SVIL: variants seen among roughly 807,000 people sequenced by gnomAD.
SVIL encodes the protein supervillin.
SVIL carries 101 observed loss-of-function variants against 240.4 expected under a neutral mutation model. That is an observed-to-expected ratio of 0.42 (90% CI 0.36 to 0.50). The LOEUF (loss-of-function observed/expected upper bound fraction) is 0.50, where lower values mean the gene tolerates loss of function less well. Among genes scored for constraint, SVIL ranks in the 20% least tolerant of loss-of-function variants. The probability of loss-of-function intolerance (pLI) is 0.01; values close to 1 mark genes in which losing one functional copy is unlikely to be tolerated. For synonymous variants in SVIL, 999 were observed against 1,100.0 expected, an observed-to-expected ratio of 0.91 and a Z score of 1.82; for missense variants, 2,512 against 2,818.7, an observed-to-expected ratio of 0.89 and a Z score of 2.46.
chr10:29,513,379 G>C (rs1949992355), intron 16 of SVIL, among the ~76,000 whole-genome samples: 1 of 152,154 alleles, frequency 6.6e-6, no homozygotes, highest in South Asian at 2.1e-4. Context: ...GACCAGCCTG[G>C]CCAATACGGT....
intron 27 of SVIL, chr10:29,483,612 A>G (rs1042296376): frequency 5.9e-5 from 9 of 152,212 alleles, no homozygotes; most frequent in African/African-American, 2.2e-4. Context: ...ACAGTTGGCT[A>G]TCACATAGAT....
intron 1 of SVIL, among the ~76,000 whole-genome samples, chr10:29,701,594 A>G (rs1962518713): frequency 6.6e-6 from 1 of 152,182 alleles, no homozygotes; most frequent in South Asian, 2.1e-4. Context: ...TAGGGAAATA[A>G]AAAAAATTGT....
chr10:29,530,009 AC>A (rs1951244429), intron 11 of SVIL, among the ~76,000 whole-genome samples, 165 bp from the exon 12 acceptor site: 1 of 152,084 alleles, frequency 6.6e-6, no homozygotes, highest in African/African-American at 2.4e-5. Flanking sequence ...CCTCATCTCT[AC>A]AAAAAATGCA....
In SVIL at chr10:29,577,757, A is replaced by G. The variant is rs192077778; in HGVS notation, c.-200-8445T>C. On this transcript the variant is annotated intron_variant, in intron 1 of 37. Transcript: ENST00000355867. ...TACTTTTGGTTCCTTAAGGAATGCC[A>G]ATAACATTTCTTTACACCAACAACA... 2.2e-4 allele frequency among the ~76,000 whole-genome samples: 33 copies of G among 152,330 alleles called. No homozygotes were observed. In the East Asian group the frequency reaches 4.4e-3, roughly 20 times the overall value.
chr10:29,494,134 CT>C (rs1194097895), intron 20 of SVIL, among the ~76,000 whole-genome samples: 1 of 152,078 alleles, frequency 6.6e-6, no homozygotes, highest in Non-Finnish European at 1.5e-5. Flanking sequence ...CACCACTGCA[CT>C]TTAGCCTGGG....
chr10:29,530,342 C>T (rs1034442829), intron 11 of SVIL, among the ~76,000 whole-genome samples: 1 of 152,084 alleles, frequency 6.6e-6, no homozygotes, highest in East Asian at 1.9e-4. Context: ...CCACAACCAG[C>T]CAAAGATTAG....
intron 1 of SVIL, among the ~76,000 whole-genome samples, chr10:29,572,542 A>T (rs1955474564): frequency 6.6e-6 from 1 of 152,178 alleles, no homozygotes; most frequent in African/African-American, 2.4e-5. Flanking sequence ...AGGCAGGAGG[A>T]TCACTTGAGG....
In SVIL at chr10:29,629,704, G is replaced by A. The variant is rs543670354; in HGVS notation, c.-201+4716C>T. On this transcript the variant is annotated intron_variant, in intron 1 of 37. Transcript: ENST00000355867. ...CTACTGTAAAAATTAGAGTCCGGGCGTGGTGGCTCACACCTGTAATCCCAG... is the reference window on the plus strand; with the variant it reads ...CTACTGTAAAAATTAGAGTCCGGGCATGGTGGCTCACACCTGTAATCCCAG... Among the ~76,000 whole-genome samples the A allele has an allele frequency of 8.7e-5, 13 of 149,240 alleles. 1 individual carries two copies. The highest frequency in any genetic ancestry group is 1.6e-4 in the Non-Finnish European group (11 of 66,808).
At chr10:29,639,667 A>T (rs1958423410), upstream of SVIL, among the ~76,000 whole-genome samples, 1 of 151,874 alleles carries the variant, frequency 6.6e-6, no homozygotes, top group Non-Finnish European at 1.5e-5. Flanking sequence ...GGGTTTCACC[A>T]TGTTGGCCAA....
At chr10:29,642,634 G>A (rs1389584056) in intron 3 of SVIL, among the ~76,000 whole-genome samples, 1 of 152,120 alleles carries the variant, frequency 6.6e-6, no homozygotes, top group Non-Finnish European at 1.5e-5. Flanking sequence ...TTTAATAAAT[G>A]TTTGTGATGT....
intron 1 of SVIL, among the ~76,000 whole-genome samples, chr10:29,604,241 C>T (rs1043965466): frequency 6.6e-6 from 1 of 150,724 alleles, no homozygotes; most frequent in African/African-American, 2.4e-5. Context: ...GCTCTGTCAC[C>T]CAGGCTGGAG....
chr10:29,644,123 A>T (rs1312537582), intron 3 of SVIL: 1 of 435,514 alleles, frequency 2.3e-6, no homozygotes, highest in East Asian at 6.9e-5. Context: ...CTGCACGAAC[A>T]GAACCATGGA....
chr10:29,496,780 G>C (rs1247066692), intron 18 of SVIL, among the ~76,000 whole-genome samples: 2 of 152,210 alleles, frequency 1.3e-5, no homozygotes, highest in East Asian at 1.9e-4. Flanking sequence ...TGTGGACAAG[G>C]GCAGTGGCAT....
intron 1 of SVIL, among the ~76,000 whole-genome samples, chr10:29,700,605 G>C (rs971449130): frequency 6.6e-6 from 1 of 151,564 alleles, no homozygotes; most frequent in African/African-American, 2.4e-5. Context: ...TGAGTAGCTG[G>C]GACTACAGGC....
intron 17 of SVIL, among the ~76,000 whole-genome samples, chr10:29,507,530 C>T (rs890002989): frequency 3.3e-5 from 5 of 151,306 alleles, no homozygotes; most frequent in South Asian, 2.1e-4. Flanking sequence ...TAGACACACA[C>T]ACTCACATTC....
At position 29,458,600 on chromosome 10, in the gene SVIL, G is replaced by A. The variant is rs754354283; in HGVS notation, c.6403-11C>T. 7 of 1,611,444 alleles carry A rather than the reference G, an allele frequency of 4.3e-6. 1 individual carries two copies. The South Asian group carries it at 7.7e-5, about 18-fold the overall frequency. On this transcript the variant is annotated splice_polypyrimidine_tract_variant and intron_variant, in intron 36 of 37. Transcript: ENST00000355867. ...GGAAACTTCCGTGTCCTAGAGAAGA[G>A]GAGGGGGCAGAGAGGAGAGCTCGTG...
intron 3 of SVIL, among the ~76,000 whole-genome samples, chr10:29,651,618 T>TCTCTCTCTCTCTCTCTCTCTCTC (rs1958838345): frequency 7.4e-6 from 1 of 135,328 alleles, no homozygotes; most frequent in African/African-American, 2.8e-5. Context: ...GCCACATGCA[T>TCTCTCTCTCTCTCTCTCTCTCTC]TCTCTCTCTC....
intron 3 of SVIL, among the ~76,000 whole-genome samples, chr10:29,640,774 T>C (rs1958457920): frequency 6.6e-6 from 1 of 152,210 alleles, no homozygotes; most frequent in African/African-American, 2.4e-5. Flanking sequence ...TTCCACCCCA[T>C]TGATGTTCTC....
Position 29,624,940 on chromosome 10 carries a change from A to G in SVIL, c.-201+9480T>C, listed in dbSNP as rs149845172. ...ATGTTTAAGGCCCCATGAACCAAGC[A>G]ATCTCTTTCAACTTGGGCAAAATTA... On this transcript the variant is annotated intron_variant, in intron 1 of 37. Transcript: ENST00000355867. Among the ~76,000 whole-genome samples, 15 of 152,336 alleles carry G rather than the reference A, an allele frequency of 9.8e-5. No homozygotes were observed. The East Asian group carries it at 2.9e-3, about 29-fold the overall frequency.
Sources: gnomAD v4.1 joint callset for allele counts (sites outside exome capture counted in the v4.1 genomes callset) on GRCh38, gnomAD v4.1.1 for gene constraint, MANE v1.5 for transcripts, NCBI Gene and HGNC (gene_info 2026-07-23, HGNC 2026-07-21) for gene names.